Variants in GGT7 observed in about 807,000 individuals in gnomAD.
The protein encoded by GGT7 is gamma-glutamyltransferase 7, also known as glutathione hydrolase 7.
A neutral mutation model predicts 69.2 loss-of-function variants in GGT7; 30 were observed. That is an observed-to-expected ratio of 0.43 (90% CI 0.32 to 0.59). The LOEUF is 0.59. Among genes scored for constraint, GGT7 ranks in the 20% least tolerant of loss-of-function variants. The pLI is 0.05. For missense variants in GGT7, 733 were observed against 901.1 expected, an observed-to-expected ratio of 0.81 and a Z score of 2.39; for synonymous variants, 388 against 391.8, an observed-to-expected ratio of 0.99 and a Z score of 0.12.
intron 6 of GGT7, 55 bp downstream of exon 6, chr20:34,859,914 T>C (rs2079560004): frequency 1.6e-6 from 2 of 1,247,850 alleles, no homozygotes; most frequent in Non-Finnish European, 2.3e-6. Context: ...ATCTCAAAGA[T>C]TCTACCCTTC....
At chr20:34,854,673 C>T (rs1004314497) in intron 9 of GGT7, 54 bp from the exon 10 acceptor site, 25 of 1,575,998 alleles carry the variant, frequency 1.6e-5, no homozygotes, top group African/African-American at 1.1e-4. Context: ...CCAGAACCCA[C>T]ACCCAGTGGA....
intron 4 of GGT7, among the ~76,000 whole-genome samples, 160 bp from the exon 5 acceptor site, chr20:34,860,481 C>T (rs1453191696): frequency 2.0e-5 from 3 of 152,160 alleles, no homozygotes; most frequent in African/African-American, 7.2e-5. Context: ...AGCAGGCACC[C>T]CTCCCATCTC....
intron 1 of GGT7, among the ~76,000 whole-genome samples, chr20:34,866,001 T>G (rs759720521): frequency 6.6e-6 from 1 of 152,256 alleles, no homozygotes. Flanking sequence ...GTGATAATAT[T>G]AAAAACTGAC....
chr20:34,862,613 A>G lies in GGT7; in HGVS notation c.557+201T>C, dbSNP rs138559294. Among the ~76,000 whole-genome samples the G allele has an allele frequency of 5.4e-3, 825 of 151,378 alleles. 6 individuals are homozygous for G. The highest frequency in any genetic ancestry group is 0.01 in the Admixed American group (158 of 15,172). On this transcript the variant is annotated intron_variant, in intron 3 of 14. Transcript: ENST00000336431. ...AAAAAAAAAAAAAGCTTCTGAAAAC[A>G]CTTTCAGGTTTTCCATAAGGTAGCT...
chr20:34,853,436 T>C (rs894134339), intron 10 of GGT7, among the ~76,000 whole-genome samples: 11 of 151,254 alleles, frequency 7.3e-5, no homozygotes, highest in Non-Finnish European at 1.5e-4. Flanking sequence ...CTCCAGACTT[T>C]TAAAAATTCA....
At chr20:34,848,649 G>A (rs188732947) in intron 14 of GGT7, among the ~76,000 whole-genome samples, 1 of 152,332 alleles carries the variant, frequency 6.6e-6, no homozygotes, top group East Asian at 1.9e-4. Flanking sequence ...ATGTGATTCA[G>A]TCCAGGAGAT....
chr20:34,845,220 C>T lies in GGT7; in HGVS notation c.*108G>A, dbSNP rs1420715761. 9.0e-6 allele frequency: 9 copies of T among 1,004,484 alleles called. No individual in the cohort carries two copies. The highest frequency in any genetic ancestry group is 2.9e-5 in the East Asian group (1 of 34,502). The allele number at this position is 1,004,484 out of a possible 1,614,324, so 62.2% of individuals were successfully genotyped here. ...GGTTTGCTAAGCATCCCCTCTGGCC[C>T]CTGATCTGGGGCATCCCTGGGGTCC... On this transcript the variant is annotated 3_prime_UTR_variant, in exon 15 of 15. Transcript: ENST00000336431.
Position 34,845,155 on chromosome 20 carries a change from A to ACCACCACCACCACC in GGT7, c.*172_*173insGGTGGTGGTGGTGG. On this transcript the variant is annotated 3_prime_UTR_variant, in exon 15 of 15. Transcript: ENST00000336431. ...CCACCACCACCACCACCACCACCAC[A>ACCACCACCACCACC]GGCCTCCTGATGGAGAATTTTCCAG... 6.3e-6 allele frequency: 1 copy of ACCACCACCACCACC among 157,674 alleles called. No homozygotes were observed. The highest frequency in any genetic ancestry group is 1.2e-5 in the Non-Finnish European group (1 of 81,864). The allele number at this position is 157,674 out of a possible 1,614,324, so 9.8% of individuals were successfully genotyped here.
intron 14 of GGT7, among the ~76,000 whole-genome samples, chr20:34,848,457 A>G (rs2079333883): frequency 6.6e-6 from 1 of 152,220 alleles, no homozygotes; most frequent in African/African-American, 2.4e-5. Context: ...AAGGCCCTGA[A>G]GGCAGGACTG....
intron 12 of GGT7, 135 bp downstream of exon 12, chr20:34,852,020 T>C: frequency 1.5e-6 from 1 of 683,854 alleles, no homozygotes; most frequent in Non-Finnish European, 2.7e-6. Flanking sequence ...GGGCTAGGGA[T>C]GAGGTGAACC....
In GGT7 at chr20:34,862,804, T is replaced by C. The variant is rs1349888832; in HGVS notation, c.557+10A>G. ...AGGCCTGGGGGACCCCGACCTCCAC[T>C]GCTCCTTACCCGCCCAGGCCAGAAC... On this transcript the variant is annotated intron_variant, in intron 3 of 14. Coordinates refer to ENST00000336431, the MANE Select transcript of GGT7 (RefSeq NM_178026.3). The C allele has an allele frequency of 3.7e-6, 6 of 1,613,686 alleles. No individual in the cohort carries two copies. Among genetic ancestry groups the C allele is most frequent in the Non-Finnish European group, 5.1e-6 (6 of 1,179,914 alleles).
At chr20:34,869,076 A>G (rs1420503578) in intron 1 of GGT7, among the ~76,000 whole-genome samples, 5 of 152,150 alleles carry the variant, frequency 3.3e-5, no homozygotes, top group South Asian at 2.1e-4. Context: ...AGAGTTTAGG[A>G]GAGTGATCTT....
Position 34,856,785 on chromosome 20 carries a change from G to T in GGT7, c.1102+21C>A, listed in dbSNP as rs544108911. On this transcript the variant is annotated intron_variant, in intron 8 of 14. Coordinates refer to ENST00000336431, the MANE Select transcript of GGT7 (RefSeq NM_178026.3). ...GAGGCTTCTCCTGAGGGGGGACCCTGGGAGCCGGGGGAGAGGTCACCTCTG... is the reference window on the plus strand; with the variant it reads ...GAGGCTTCTCCTGAGGGGGGACCCTTGGAGCCGGGGGAGAGGTCACCTCTG... The T allele has an allele frequency of 4.1e-6, 6 of 1,474,728 alleles. No homozygotes were observed. The South Asian group carries it at 6.9e-5, about 17-fold the overall frequency. 91.4% of individuals were successfully genotyped at this position (1,474,728 alleles called of 1,614,324 possible).
intron 4 of GGT7, 66 bp downstream of exon 4, chr20:34,861,378 CT>C: frequency 1.4e-6 from 1 of 707,242 alleles, no homozygotes; most frequent in Non-Finnish European, 2.3e-6. Flanking sequence ...CAAATTAATG[CT>C]TGGGTTAGCA....
intron 14 of GGT7, 128 bp downstream of exon 14, chr20:34,849,833 A>C (rs2079360073): frequency 2.0e-5 from 12 of 587,146 alleles, no homozygotes; most frequent in Non-Finnish European, 3.6e-5. Context: ...CTGCTCCAAT[A>C]GAAATTTGCC....
intron 1 of GGT7, among the ~76,000 whole-genome samples, chr20:34,864,480 G>A (rs953715695): frequency 1.3e-5 from 2 of 152,060 alleles, no homozygotes; most frequent in Non-Finnish European, 2.9e-5. Context: ...CAGCACTCTG[G>A]GGGGCCGAGG....
intron 7 of GGT7, among the ~76,000 whole-genome samples, chr20:34,857,183 C>T (rs1176993097): frequency 6.6e-6 from 1 of 152,196 alleles, no homozygotes. Flanking sequence ...CCCCAGCCTA[C>T]CCCTCCCACC....
intron 1 of GGT7, among the ~76,000 whole-genome samples, chr20:34,865,457 T>A (rs755435046): frequency 6.6e-6 from 1 of 152,252 alleles, no homozygotes. Context: ...CCCAAAGCGC[T>A]GGGATTACAG....
chr20:34,872,496 A>G lies in GGT7; in HGVS notation c.169+151T>C, dbSNP rs554484932. 7.1e-6 allele frequency: 4 copies of G among 563,032 alleles called. No homozygotes were observed. The South Asian group carries it at 1.6e-4, about 22-fold the overall frequency. The allele number at this position is 563,032 out of a possible 1,614,324, so 34.9% of individuals were successfully genotyped here. On this transcript the variant is annotated intron_variant, in intron 1 of 14. Coordinates refer to ENST00000336431, the MANE Select transcript of GGT7 (RefSeq NM_178026.3). Reference sequence around the variant, plus strand: ...CAGAAATGCACCCCCTTCCTCACCAAATAATTAACAGAGACAAGGGAGAAG... The same window carrying G: ...CAGAAATGCACCCCCTTCCTCACCAGATAATTAACAGAGACAAGGGAGAAG...
Sources: allele counts gnomAD v4.1 joint callset (sites outside exome capture counted in the v4.1 genomes callset), GRCh38; gene constraint gnomAD v4.1.1; transcripts MANE v1.5; gene names NCBI Gene and HGNC (gene_info 2026-07-23, HGNC 2026-07-21).